PPFIA4: variants seen among roughly 807,000 people sequenced by gnomAD.
The protein encoded by PPFIA4 is liprin-alpha-4.
PPFIA4 carries 98 observed loss-of-function variants against 145.7 expected under a neutral mutation model. That is an observed-to-expected ratio of 0.67 (90% CI 0.57 to 0.80). The LOEUF (loss-of-function observed/expected upper bound fraction) is 0.80, where lower values mean the gene tolerates loss of function less well. Ranked by LOEUF, PPFIA4 falls within the 30% of genes least tolerant of loss-of-function variation. PPFIA4 has a pLI of 0.00. For synonymous variants in PPFIA4, 628 were observed against 649.6 expected, an observed-to-expected ratio of 0.97 and a Z score of 0.51; for missense variants, 1,457 against 1,632.7, an observed-to-expected ratio of 0.89 and a Z score of 1.85.
intron 24 of PPFIA4, among the ~76,000 whole-genome samples, chr1:203,062,265 CAGG>C (rs1254569939): frequency 6.6e-6 from 1 of 150,958 alleles, no homozygotes; most frequent in African/African-American, 2.4e-5. Context: ...ATCACGAGGT[CAGG>C]AGATCAAGAC....
At position 203,038,939 on chromosome 1, in the gene PPFIA4, C is replaced by T. The variant is rs1659489571; in HGVS notation, c.-70C>T. The T allele has an allele frequency of 2.5e-6, 2 of 809,930 alleles. No homozygotes were observed. The highest frequency in any genetic ancestry group is 4.0e-6 in the Non-Finnish European group (2 of 504,500). 50.2% of individuals were successfully genotyped at this position (809,930 alleles called of 1,614,324 possible). A position where few individuals can be genotyped will look rare whatever the true frequency, so the allele number is the denominator to read the frequency against. Reference sequence around the variant, plus strand: ...ACTCTGAGACCCATGCACTGGGTTCCCCTGGAGGTGCCAACCCTGTGAGTC... The same window carrying T: ...ACTCTGAGACCCATGCACTGGGTTCTCCTGGAGGTGCCAACCCTGTGAGTC... On this transcript the variant is annotated 5_prime_UTR_variant, in exon 2 of 30. Coordinates refer to ENST00000295706, the MANE Select transcript of PPFIA4 (RefSeq NM_001304331.2).
In PPFIA4 at chr1:203,067,801, G is replaced by A. The variant is rs759307787; in HGVS notation, c.3148+9G>A. ...CCAGCATGAGATCAAGGGTAAGCTC[G>A]TCAGGCTTGGAGAGGGTTCGGGAGC... On this transcript the variant is annotated intron_variant, in intron 26 of 29. Transcript: ENST00000295706. 6 of 1,613,240 alleles carry A rather than the reference G, an allele frequency of 3.7e-6. No individual in the cohort carries two copies. Among genetic ancestry groups the A allele is most frequent in the East Asian group, 4.5e-5 (2 of 44,880 alleles).
intron 1 of PPFIA4, chr1:203,037,345 C>T (rs1476707522): frequency 6.3e-6 from 1 of 159,804 alleles, no homozygotes; most frequent in Admixed American, 6.5e-5. Context: ...GTTATTCTCA[C>T]CCCGAGGGTA....
chr1:203,075,519 G>C lies in PPFIA4; in HGVS notation c.3394-58G>C, dbSNP rs951745737. 2.3e-5 allele frequency: 31 copies of C among 1,322,168 alleles called. No homozygotes were observed. The highest frequency in any genetic ancestry group is 1.3e-4 in the Admixed American group (4 of 30,190). 81.9% of individuals were successfully genotyped at this position (1,322,168 alleles called of 1,614,324 possible). A position where few individuals can be genotyped will look rare whatever the true frequency, so the allele number is the denominator to read the frequency against. On this transcript the variant is annotated intron_variant, in intron 28 of 29. Transcript: ENST00000295706. The surrounding 1 kb of genome is among the most constrained non-coding windows in gnomAD (Gnocchi z 4.1). ...CAGCGACTGGCCCCCTCCAGGCAGGGCGTGAGGATGGCAATTCCAACAGGG... is the reference window on the plus strand; with the variant it reads ...CAGCGACTGGCCCCCTCCAGGCAGGCCGTGAGGATGGCAATTCCAACAGGG...
rs755803332 is a variant in PPFIA4, at chr1:203,068,531, A to G, written c.3227A>G (p.His1076Arg). The G allele has an allele frequency of 9.3e-6, 15 of 1,608,948 alleles. No individual in the cohort carries two copies. The highest frequency in any genetic ancestry group is 6.7e-5 in the South Asian group (6 of 90,118). The change falls in exon 27 of 30, where the codon CAT becomes CGT. Residue 1076 changes from histidine to arginine, a missense_variant. Around this residue, in one of 3 missense-constraint regions of PPFIA4, gnomAD observed 848 missense variants for 1,046.7 expected, o/e 0.81. Coordinates refer to ENST00000295706, the MANE Select transcript of PPFIA4 (RefSeq NM_001304331.2). The surrounding 1 kb of genome is among the most constrained non-coding windows in gnomAD (Gnocchi z 4.7). ...CTCCGGGACTACGCAGGAAACCTGC[A>G]TGAGAGTGGTGTGCATGGAGCCTTG... Reference protein sequence around the residue: ...IGLRDYAGNLHESGVHGALLA... With the variant: ...IGLRDYAGNLRESGVHGALLA...
intron 1 of PPFIA4, among the ~76,000 whole-genome samples, chr1:203,030,975 A>G (rs963441205): frequency 6.6e-6 from 1 of 152,130 alleles, no homozygotes; most frequent in African/African-American, 2.4e-5. Context: ...CTATATACCT[A>G]CTTGCTCTCA....
chr1:203,051,082 C>A, intron 13 of PPFIA4: 1 of 949,398 alleles, frequency 1.1e-6, no homozygotes, highest in Non-Finnish European at 1.3e-6. Context: ...AGTAGGAAGG[C>A]ACAGGGAGGA....
In PPFIA4 at chr1:203,043,344, A is replaced by T. The variant is rs1659832035; in HGVS notation, c.235-53A>T. 2 of 1,486,468 alleles carry T rather than the reference A, an allele frequency of 1.3e-6. No individual in the cohort carries two copies. Among genetic ancestry groups the T allele is most frequent in the Non-Finnish European group, 1.8e-6 (2 of 1,083,778 alleles). The allele number at this position is 1,486,468 out of a possible 1,614,324, so 92.1% of individuals were successfully genotyped here. On this transcript the variant is annotated intron_variant, in intron 2 of 29. Transcript: ENST00000295706. The surrounding 1 kb of genome is among the most constrained non-coding windows in gnomAD (Gnocchi z 4.4). ...CCCACCACTGACTTGCATGTGCAGG[A>T]CACTGCTTTGGGGGTGAATCCTGAA...
Position 203,068,772 on chromosome 1 carries a change from C to T in PPFIA4, c.3324+144C>T, listed in dbSNP as rs1558100946. 1 of 839,382 alleles carries T rather than the reference C, an allele frequency of 1.2e-6. No homozygotes were observed. The highest frequency in any genetic ancestry group is 1.7e-6 in the Non-Finnish European group (1 of 585,384). 52.0% of individuals were successfully genotyped at this position (839,382 alleles called of 1,614,324 possible). On this transcript the variant is annotated intron_variant, in intron 27 of 29. Transcript: ENST00000295706. The surrounding 1 kb of genome is among the most constrained non-coding windows in gnomAD (Gnocchi z 4.7). The stretch of plus-strand genomic sequence containing the variant: ...CTATGCCAGAGGGGATCGCAATGTC[C>T]TCAATTCTCCAAGTGATCGCTGTGC...
chr1:203,053,645 G>C, intron 14 of PPFIA4, 108 bp from the exon 15 acceptor site: 1 of 888,804 alleles, frequency 1.1e-6, no homozygotes, highest in Non-Finnish European at 1.8e-6. Context: ...TGCATTTCCA[G>C]CAAGCTCCCA....
intron 17 of PPFIA4, 108 bp downstream of exon 17, chr1:203,056,263 G>A (rs1010901190): frequency 3.1e-6 from 5 of 1,598,546 alleles, no homozygotes; most frequent in Admixed American, 3.4e-5. Context: ...ACTCAGAGAG[G>A]CACCCAGGGC....
Position 203,039,087 on chromosome 1 carries a change from G to C in PPFIA4, c.79G>C (p.Glu27Gln). The C allele has an allele frequency of 1.2e-6, 2 of 1,606,826 alleles. No individual in the cohort carries two copies. Among genetic ancestry groups the C allele is most frequent in the Non-Finnish European group, 1.7e-6 (2 of 1,177,142 alleles). Residue 27 changes from glutamate to glutamine, a missense_variant, in exon 2 of 30, where the codon GAG becomes CAG. Physicochemically the swap from Glu to Gln is conservative, Grantham distance 29. Coordinates refer to ENST00000295706, the MANE Select transcript of PPFIA4 (RefSeq NM_001304331.2). ...TGGCGCCGATGCTGACGCCAACTTC[G>C]AGCAGCTGATGGTGAACATGCTGGA... ...PHGADADANFEQLMVNMLDER... is the reference protein window; with the variant it reads ...PHGADADANFQQLMVNMLDER...
chr1:203,031,790 A>C (rs1293071855), intron 1 of PPFIA4, among the ~76,000 whole-genome samples: 1 of 152,210 alleles, frequency 6.6e-6, no homozygotes, highest in Non-Finnish European at 1.5e-5. Flanking sequence ...ACATTATTTG[A>C]GGACATTTGT....
chr1:203,067,608 C>A, intron 25 of PPFIA4, 87 bp from the exon 26 acceptor site: 2 of 1,137,066 alleles, frequency 1.8e-6, no homozygotes, highest in Non-Finnish European at 2.7e-6. Flanking sequence ...TAGGTCTGGA[C>A]ATGCTGTGGC....
intron 15 of PPFIA4, among the ~76,000 whole-genome samples, chr1:203,054,911 C>G (rs1476777769): frequency 6.6e-6 from 1 of 152,166 alleles, no homozygotes; most frequent in Non-Finnish European, 1.5e-5. Flanking sequence ...TTTACTGGAG[C>G]ATGTGTGTGT....
Position 203,075,463 on chromosome 1 carries a change from A to C in PPFIA4, c.3394-114A>C. 1.2e-6 allele frequency: 1 copy of C among 856,374 alleles called. No individual in the cohort carries two copies. The highest frequency in any genetic ancestry group is 1.6e-6 in the Non-Finnish European group (1 of 636,524). The allele number at this position is 856,374 out of a possible 1,614,324, so 53.0% of individuals were successfully genotyped here. ...GGAAGTGACCTCGCTCCCTCTTTCCAAAGGGGTGGGAGTGGTGCCCCTTGA... is the reference window on the plus strand; with the variant it reads ...GGAAGTGACCTCGCTCCCTCTTTCCCAAGGGGTGGGAGTGGTGCCCCTTGA... On this transcript the variant is annotated intron_variant, in intron 28 of 29. Transcript: ENST00000295706. This position sits in a 1 kb window ranked among gnomAD's most constrained non-coding sequence, Gnocchi z 4.1.
intron 9 of PPFIA4, among the ~76,000 whole-genome samples, chr1:203,046,802 A>AG (rs1660121079): frequency 6.6e-6 from 1 of 152,086 alleles, no homozygotes; most frequent in Non-Finnish European, 1.5e-5. Context: ...TGAAGGGCAA[A>AG]GGGGTGAGAG....
Position 203,068,684 on chromosome 1 carries a change from CTCTT to C in PPFIA4, c.3324+63_3324+66del. Reference sequence around the variant, plus strand: ...TCTCTCCCTGTATCCCTCACTTGCTCTCTTTCTTTCCCTCATACACAAAGGCTTA... The same window carrying C: ...TCTCTCCCTGTATCCCTCACTTGCTCTCTTTCCCTCATACACAAAGGCTTA... On this transcript the variant is annotated intron_variant, in intron 27 of 29. Transcript: ENST00000295706. This position sits in a 1 kb window ranked among gnomAD's most constrained non-coding sequence, Gnocchi z 4.7. 7.1e-7 allele frequency: 1 copy of C among 1,400,788 alleles called. No homozygotes were observed. The highest frequency in any genetic ancestry group is 9.3e-7 in the Non-Finnish European group (1 of 1,070,958). 86.8% of individuals were successfully genotyped at this position (1,400,788 alleles called of 1,614,324 possible).
intron 13 of PPFIA4, among the ~76,000 whole-genome samples, chr1:203,050,363 G>T (rs1224683421): frequency 6.6e-6 from 1 of 152,190 alleles, no homozygotes; most frequent in African/African-American, 2.4e-5. Flanking sequence ...CCCACATTTT[G>T]TGGAGCGATG....
Sources: gnomAD v4.1 joint callset for allele counts (sites outside exome capture counted in the v4.1 genomes callset) on GRCh38, gnomAD v4.1.1 for gene constraint, gnomAD v4.1.1 regional missense constraint, Gnocchi (gnomAD v3.1) non-coding constraint, MANE v1.5 for transcripts, NCBI Gene and HGNC (gene_info 2026-07-23, HGNC 2026-07-21) for gene names.